The following TTC13 variants were observed in gnomAD, a reference collection of about 807,000 sequenced individuals.
TTC13 encodes tetratricopeptide repeat domain 13.
TTC13 carries 62 observed loss-of-function variants against 120.0 expected under a neutral mutation model. The ratio of observed to expected loss-of-function variants is 0.52; its 90% CI spans 0.42 to 0.64. The LOEUF (loss-of-function observed/expected upper bound fraction) is 0.64. Among genes scored for constraint, TTC13 ranks in the 30% least tolerant of loss-of-function variants. The pLI is 0.00. For synonymous variants in TTC13, 384 were observed against 393.5 expected (o/e 0.98, Z 0.28); for missense variants, 824 against 1,050.2 (o/e 0.78, Z 2.98).
rs776220112 is a variant in TTC13 at position 230,911,538 on chromosome 1, A to G, written c.2241T>C (p.Ala747=). 3 of 1,586,916 alleles carry G rather than the reference A, an allele frequency of 1.9e-6. No homozygotes were observed. The highest frequency in any genetic ancestry group is 1.8e-5 in the Admixed American group (1 of 54,740). Residue 747 remains alanine (A), a synonymous_variant, in exon 20 of 23, where the codon GCT becomes GCC. Transcript: ENST00000366661. ...CTAAGGATAAGATTAAGTTGCAGAC[A>G]GCATCAGCCTCCTAGAAAAAAAAGA... is the stretch of plus-strand genomic sequence containing the variant. ...ILSSEFGEAD[A]VCNLILSLVY...
In TTC13 at chr1:230,906,877, C is replaced by G. The variant is rs756704355; in HGVS notation, c.*28G>C. The G allele has an allele frequency of 8.3e-7, 1 of 1,197,912 alleles. No homozygotes were observed. Among genetic ancestry groups the G allele is most frequent in the Non-Finnish European group, 1.1e-6 (1 of 878,474 alleles). 74.2% of individuals were successfully genotyped at this position (1,197,912 alleles called of 1,614,324 possible). A position where few individuals can be genotyped will look rare whatever the true frequency, so the allele number is the denominator to read the frequency against. ...AACTTAAGAAGCAAGAGGTCCGGCC[C>G]TTTACTTGTATAAATACAGCAGCAG... On this transcript the variant is annotated 3_prime_UTR_variant, in exon 23 of 23. Coordinates refer to ENST00000366661, the MANE Select transcript of TTC13 (RefSeq NM_024525.5).
Position 230,978,200 on chromosome 1 carries a change from G to C in TTC13, c.271+360C>G, listed in dbSNP as rs959643450. On this transcript the variant is annotated intron_variant, in intron 1 of 22. Coordinates refer to ENST00000366661, the MANE Select transcript of TTC13 (RefSeq NM_024525.5). This position sits in a 1 kb window ranked among gnomAD's most constrained non-coding sequence, Gnocchi z 5.6. ...CCGCCCGCCCCTCCCTCGCCCCTTC[G>C]GCATCCTCGGGAGGCCGGCGGCGGG... Among the ~76,000 whole-genome samples, 1 of 152,160 alleles carries C rather than the reference G, an allele frequency of 6.6e-6. No homozygotes were observed. Among genetic ancestry groups the C allele is most frequent in the Non-Finnish European group, 1.5e-5 (1 of 68,020 alleles).
At chr1:230,968,767 C>T (rs569633889) in intron 1 of TTC13, among the ~76,000 whole-genome samples, 12 of 152,076 alleles carry the variant, frequency 7.9e-5, no homozygotes, top group Non-Finnish European at 1.5e-4. Flanking sequence ...GAAGTGGTGC[C>T]ATCAACGGAA....
chr1:230,930,926 C>CA (rs937749736), intron 11 of TTC13, among the ~76,000 whole-genome samples: 2 of 152,056 alleles, frequency 1.3e-5, no homozygotes, highest in African/African-American at 4.8e-5. Flanking sequence ...CAAAACAAAA[C>CA]AAAAAAACAG....
chr1:230,948,958 C>T (rs1050682534), intron 4 of TTC13, among the ~76,000 whole-genome samples: 4 of 152,140 alleles, frequency 2.6e-5, no homozygotes, highest in African/African-American at 9.7e-5. Context: ...CAAACACCAC[C>T]TTTGGATTCC....
At chr1:230,911,191 A>G (rs1671462470) in intron 20 of TTC13, among the ~76,000 whole-genome samples, 1 of 152,230 alleles carries the variant, frequency 6.6e-6, no homozygotes, top group Non-Finnish European at 1.5e-5. Flanking sequence ...CACACTGAGC[A>G]CGGCACATGA....
chr1:230,919,310 A>T (rs540939488), intron 17 of TTC13, among the ~76,000 whole-genome samples: 1 of 151,794 alleles, frequency 6.6e-6, no homozygotes, highest in South Asian at 2.1e-4. Context: ...GGGAAGTCTG[A>T]GATCAAGGTG....
intron 8 of TTC13, among the ~76,000 whole-genome samples, chr1:230,938,093 A>G (rs1033836553): frequency 6.6e-6 from 1 of 152,208 alleles, no homozygotes; most frequent in Non-Finnish European, 1.5e-5. Flanking sequence ...AGATCCTCAA[A>G]CCTCTTTCAA....
chr1:230,955,588 A>C (rs565430191), intron 3 of TTC13, among the ~76,000 whole-genome samples: 1 of 150,486 alleles, frequency 6.6e-6, no homozygotes, highest in East Asian at 2.0e-4. Context: ...GGAGAATGGC[A>C]TGAACCCAGG....
chr1:230,929,159 G>T, intron 11 of TTC13, 66 bp from the exon 12 acceptor site: 1 of 1,494,454 alleles, frequency 6.7e-7, no homozygotes. Flanking sequence ...ATGGCTAGCT[G>T]CCATACAAAT....
At chr1:230,921,834 G>T (rs1308552806) in intron 15 of TTC13, among the ~76,000 whole-genome samples, 1 of 152,190 alleles carries the variant, frequency 6.6e-6, no homozygotes, top group Non-Finnish European at 1.5e-5. Flanking sequence ...TGGGCAGTGT[G>T]CCGTCTCCCC....
chr1:230,943,788 A>G lies in TTC13; in HGVS notation c.672+18T>C, dbSNP rs201842333. On this transcript the variant is annotated intron_variant, in intron 6 of 22. Transcript: ENST00000366661. ...ACTAATCCAATAATGACAGAGGGAA[A>G]AAGAAAGCCACACTCACTTCTGCTC... is the stretch of plus-strand genomic sequence containing the variant. 17 of 1,580,862 alleles carry G rather than the reference A, an allele frequency of 1.1e-5. No homozygotes were observed. The East Asian group carries it at 3.6e-4, about 34-fold the overall frequency.
intron 1 of TTC13, among the ~76,000 whole-genome samples, chr1:230,976,364 A>C (rs7528061): frequency 0.33 from 49,896 of 152,116 alleles, 8,454 homozygotes; most frequent in Middle Eastern, 0.57. Flanking sequence ...GACAGAGAAG[A>C]AATGAAACAG....
At chr1:230,962,487 T>C (rs1233908877) in intron 1 of TTC13, among the ~76,000 whole-genome samples, 1 of 152,136 alleles carries the variant, frequency 6.6e-6, no homozygotes, top group East Asian at 1.9e-4. Context: ...ATTGGAACCC[T>C]TGTGCATTGC....
At chr1:230,926,972 T>C (rs1264129374) in intron 12 of TTC13, among the ~76,000 whole-genome samples, 1 of 152,256 alleles carries the variant, frequency 6.6e-6, no homozygotes, top group East Asian at 1.9e-4. Flanking sequence ...GTTTGGCTTA[T>C]GAGCTTTGGG....
At chr1:230,959,661 G>T (rs111853669) in intron 2 of TTC13, among the ~76,000 whole-genome samples, 4 of 152,180 alleles carry the variant, frequency 2.6e-5, no homozygotes, top group African/African-American at 9.6e-5. Flanking sequence ...GATTACAGGC[G>T]TGAGCCACTG....
rs767751602 is a variant in TTC13, at chr1:230,931,269, T to C, written c.1300+29A>G. The C allele has an allele frequency of 9.3e-6, 15 of 1,606,614 alleles. No homozygotes were observed. In the East Asian group the frequency reaches 3.1e-4, roughly 33 times the overall value. On this transcript the variant is annotated intron_variant, in intron 11 of 22. Coordinates refer to ENST00000366661, the MANE Select transcript of TTC13 (RefSeq NM_024525.5). ...ATTTCTACAGCTTTGAGCATGAAAA[T>C]CCAACAATTCTGTGATTTTCTGACT... is the stretch of plus-strand genomic sequence containing the variant.
In TTC13 at chr1:230,957,036, A is replaced by T. The variant is rs539710779; in HGVS notation, c.442+1188T>A. Among the ~76,000 whole-genome samples the T allele has an allele frequency of 5.0e-3, 760 of 152,336 alleles. 7 individuals carry two copies. The highest frequency in any genetic ancestry group is 0.017 in the African/African-American group (711 of 41,574). On this transcript the variant is annotated intron_variant, in intron 3 of 22. Coordinates refer to ENST00000366661, the MANE Select transcript of TTC13 (RefSeq NM_024525.5). The stretch of plus-strand genomic sequence containing the variant: ...TCTTGGAGAACAAAACAGACCTGGC[A>T]TATCAGGCTCTGAACTCATTATTCA...
At chr1:230,957,813 C>T (rs560128973) in intron 3 of TTC13, among the ~76,000 whole-genome samples, 3 of 151,608 alleles carry the variant, frequency 2.0e-5, no homozygotes, top group Non-Finnish European at 2.9e-5. Context: ...AAATAACTCA[C>T]TAGCCTCATG....
Sources: allele counts gnomAD v4.1 joint callset (sites outside exome capture counted in the v4.1 genomes callset), GRCh38; gene constraint gnomAD v4.1.1; non-coding constraint Gnocchi (gnomAD v3.1); transcripts MANE v1.5; gene names NCBI Gene and HGNC (gene_info 2026-07-23, HGNC 2026-07-21).